The following PAFAH1B2 variants were observed in gnomAD, a reference collection of about 807,000 sequenced individuals.
PAFAH1B2 encodes the protein platelet activating factor acetylhydrolase 1b catalytic subunit 2.
PAFAH1B2 carries 8 observed loss-of-function variants against 28.0 expected under a neutral mutation model. The ratio of observed to expected loss-of-function variants is 0.29; its 90% CI spans 0.17 to 0.52. PAFAH1B2 has a LOEUF of 0.52. Among genes scored for constraint, PAFAH1B2 ranks in the 20% least tolerant of loss-of-function variants. The pLI is 0.97. For missense variants in PAFAH1B2, 190 were observed against 282.6 expected, an observed-to-expected ratio of 0.67 and a Z score of 2.35; for synonymous variants, 104 against 103.2, an observed-to-expected ratio of 1.01 and a Z score of -0.05.
intron 2 of PAFAH1B2, among the ~76,000 whole-genome samples, chr11:117,156,052 G>T (rs1264698242): frequency 2.6e-5 from 4 of 152,112 alleles, no homozygotes; most frequent in African/African-American, 9.7e-5. Flanking sequence ...CACTGGGCAT[G>T]GTGGTGTGTG....
intron 2 of PAFAH1B2, among the ~76,000 whole-genome samples, chr11:117,154,119 G>GA (rs75350667): frequency 0.74 from 110,897 of 150,844 alleles, 41,547 homozygotes; most frequent in Non-Finnish European, 0.82. Flanking sequence ...ATCTCAAAAA[G>GA]AAAAAAAAGA....
chr11:117,162,844 G>A (rs1565270158), intron 4 of PAFAH1B2, among the ~76,000 whole-genome samples: 1 of 151,856 alleles, frequency 6.6e-6, no homozygotes. Flanking sequence ...TATTTATACC[G>A]TGACAGGTTC....
At chr11:117,147,957 C>G (rs1170180931) in intron 1 of PAFAH1B2, among the ~76,000 whole-genome samples, 1 of 151,850 alleles carries the variant, frequency 6.6e-6, no homozygotes, top group Non-Finnish European at 1.5e-5. Context: ...AAGTGTTTTG[C>G]TCAGGGTATC....
At chr11:117,148,914 C>T (rs1956076600) in intron 1 of PAFAH1B2, among the ~76,000 whole-genome samples, 2 of 151,794 alleles carry the variant, frequency 1.3e-5, no homozygotes, top group South Asian at 2.1e-4. Flanking sequence ...GTCACTCAGG[C>T]GGGAGTGCAG....
intron 5 of PAFAH1B2, 97 bp from the exon 6 acceptor site, chr11:117,167,324 G>A (rs2134215460): frequency 8.1e-7 from 1 of 1,237,066 alleles, no homozygotes; most frequent in South Asian, 1.8e-5. Flanking sequence ...TGTAGAAAGT[G>A]CCAAATGGAG....
chr11:117,154,936 T>C (rs546217208), intron 2 of PAFAH1B2, among the ~76,000 whole-genome samples: 2 of 152,308 alleles, frequency 1.3e-5, no homozygotes, highest in Admixed American at 1.3e-4. Context: ...GGAGATGTTA[T>C]TCTCTCGGCT....
intron 5 of PAFAH1B2, among the ~76,000 whole-genome samples, chr11:117,165,244 G>A (rs1227134089): frequency 4.0e-5 from 6 of 151,050 alleles, no homozygotes; most frequent in East Asian, 2.0e-4. Context: ...GAGCCATCAC[G>A]CCTGGCTGAA....
downstream of PAFAH1B2, among the ~76,000 whole-genome samples, chr11:117,172,410 TTTTTTTTTTTTTTTTTTTTA>T (rs1565278910): frequency 3.0e-4 from 1 of 3,300 alleles, no homozygotes. Context: ...ATATATTTTT[TTTTTTTTTTTTTTTTTTTTA>T]CATTCTGGTC....
At chr11:117,152,380 T>A (rs919527465) in intron 1 of PAFAH1B2, 61 bp from the exon 2 acceptor site, 6 of 963,966 alleles carry the variant, frequency 6.2e-6, no homozygotes, top group Non-Finnish European at 1.0e-5. Context: ...GTGTATAATA[T>A]TTAAGTGGTA....
downstream of PAFAH1B2, among the ~76,000 whole-genome samples, chr11:117,174,493 T>G (rs1354602380): frequency 1.1e-4 from 12 of 107,146 alleles, 1 homozygote; most frequent in Admixed American, 1.1e-3. Flanking sequence ...CATTTTTTTT[T>G]CTTTTTTTTT....
intron 1 of PAFAH1B2, among the ~76,000 whole-genome samples, chr11:117,150,754 A>G (rs1310600057): frequency 2.0e-5 from 3 of 152,136 alleles, no homozygotes; most frequent in Non-Finnish European, 4.4e-5. Flanking sequence ...TTGCTTATAT[A>G]GAAGATGACC....
chr11:117,151,591 C>T (rs937571238), intron 1 of PAFAH1B2, among the ~76,000 whole-genome samples: 1 of 152,080 alleles, frequency 6.6e-6, no homozygotes, highest in Non-Finnish European at 1.5e-5. Context: ...AAACATTTGT[C>T]GAAAACCAGT....
intron 1 of PAFAH1B2, among the ~76,000 whole-genome samples, chr11:117,148,807 A>C (rs1250221677): frequency 6.6e-6 from 1 of 151,818 alleles, no homozygotes; most frequent in Admixed American, 6.6e-5. Context: ...GTCTTGAAAG[A>C]GTGTGTGTAT....
In PAFAH1B2 at chr11:117,168,834, A is replaced by G; in HGVS notation, c.*1135A>G. On this transcript the variant is annotated 3_prime_UTR_variant, in exon 6 of 6. Transcript: ENST00000527958. ...TTGAGATGGAGTTTCACTGTTGCCC[A>G]GGCTGGGGTGCAATGGTGTGATCTT... 1 of 765,202 alleles carries G rather than the reference A, an allele frequency of 1.3e-6. No individual in the cohort carries two copies. Among genetic ancestry groups the G allele is most frequent in the Non-Finnish European group, 1.6e-6 (1 of 614,776 alleles). 47.4% of individuals were successfully genotyped at this position (765,202 alleles called of 1,614,324 possible). A position where few individuals can be genotyped will look rare whatever the true frequency, so the allele number is the denominator to read the frequency against.
chr11:117,171,109 T>C (rs1956640650), downstream of PAFAH1B2: 1 of 982,548 alleles, frequency 1.0e-6, no homozygotes, highest in African/African-American at 1.7e-5. Context: ...AGGGATGGTT[T>C]TTCCCTGCCT....
At position 117,162,745 on chromosome 11, in the gene PAFAH1B2, C is replaced by T. The variant is rs138210914; in HGVS notation, c.289-1025C>T. On this transcript the variant is annotated intron_variant, in intron 4 of 5. Transcript: ENST00000527958. ...CTCCAGCCTGGGTGACAGAGGAAGA[C>T]TCCGTTTCAAAAATAAATAAATAGA... Among the ~76,000 whole-genome samples the T allele has an allele frequency of 1.9e-3, 285 of 151,976 alleles. 3 individuals carry two copies. Among genetic ancestry groups the T allele is most frequent in the African/African-American group, 6.5e-3 (269 of 41,414 alleles).
In PAFAH1B2 at chr11:117,170,684, A is replaced by T. The variant is rs1956632952; in HGVS notation, c.*2985A>T. 1 of 1,058,516 alleles carries T rather than the reference A, an allele frequency of 9.4e-7. No homozygotes were observed. The highest frequency in any genetic ancestry group is 5.2e-5 in the East Asian group (1 of 19,386). The allele number at this position is 1,058,516 out of a possible 1,614,324, so 65.6% of individuals were successfully genotyped here. ...TTTATTTTATTTTTTTAACCTAGTC[A>T]CTGTTTACAATTGTATGCTAAAGCC... On this transcript the variant is annotated 3_prime_UTR_variant, in exon 6 of 6. Transcript: ENST00000527958.
downstream of PAFAH1B2, among the ~76,000 whole-genome samples, chr11:117,173,737 C>T (rs1386668742): frequency 6.6e-6 from 1 of 152,198 alleles, no homozygotes; most frequent in Admixed American, 6.5e-5. Flanking sequence ...GTGTCTTTAA[C>T]TGATTCCCAA....
chr11:117,171,206 G>A (rs902245702), downstream of PAFAH1B2, among the ~76,000 whole-genome samples: 6 of 152,012 alleles, frequency 3.9e-5, no homozygotes, highest in South Asian at 2.1e-4. Flanking sequence ...TTACCTTCTC[G>A]GGCATGTAGA....
Sources: allele counts gnomAD v4.1 joint callset (sites outside exome capture counted in the v4.1 genomes callset), GRCh38; gene constraint gnomAD v4.1.1; transcripts MANE v1.5; gene names NCBI Gene and HGNC (gene_info 2026-07-23, HGNC 2026-07-21).